ZNF331: variants seen among roughly 807,000 people sequenced by gnomAD.
The protein encoded by ZNF331 is C2H2-like zinc finger protein rearranged in thyroid adenomas.
Under a neutral mutation model 7.0 loss-of-function variants are expected in ZNF331, and 2 were observed. That is an observed-to-expected ratio of 0.29 (90% CI 0.12 to 0.90). ZNF331 has a LOEUF of 0.90. Ranked by LOEUF, ZNF331 falls within the 40% of genes least tolerant of loss-of-function variation. The pLI is 0.58. For missense variants in ZNF331, 432 were observed against 587.7 expected (o/e 0.74, Z 2.74); for synonymous variants, 196 against 205.4 (o/e 0.95, Z 0.39).
chr19:53,515,799 C>T (rs1180328161), upstream of ZNF331, among the ~76,000 whole-genome samples: 9 of 152,088 alleles, frequency 5.9e-5, no homozygotes, highest in Non-Finnish European at 1.2e-4. Context: ...GCCTGGCTGC[C>T]CTGACTTCTT....
chr19:53,575,145 C>T (rs2090648283), intron 5 of ZNF331, among the ~76,000 whole-genome samples: 1 of 151,622 alleles, frequency 6.6e-6, no homozygotes, highest in Non-Finnish European at 1.5e-5. Flanking sequence ...TGCTATGTTT[C>T]CCAGGCTGGT....
intron 5 of ZNF331, among the ~76,000 whole-genome samples, chr19:53,572,041 T>C (rs1428177326): frequency 1.3e-5 from 2 of 152,198 alleles, no homozygotes; most frequent in Non-Finnish European, 2.9e-5. Flanking sequence ...AGTATGTTTA[T>C]ACCCAAATTG....
At chr19:53,570,213 G>GC (rs2090369388) in intron 4 of ZNF331, among the ~76,000 whole-genome samples, 1 of 144,806 alleles carries the variant, frequency 6.9e-6, no homozygotes, top group Non-Finnish European at 1.5e-5. Context: ...CCAAGATCAT[G>GC]CCACTGCACT....
At chr19:53,546,144 A>AAAAAAAAAAAAAAAAAAT (rs1370933673) in intron 2 of ZNF331, among the ~76,000 whole-genome samples, 3 of 104,468 alleles carry the variant, frequency 2.9e-5, no homozygotes, top group Non-Finnish European at 5.1e-5. Context: ...GAGGGGGAAA[A>AAAAAAAAAAAAAAAAAAT]AAAAAAAAAA....
intron 2 of ZNF331, among the ~76,000 whole-genome samples, chr19:53,543,167 A>T (rs528283984): frequency 6.6e-6 from 1 of 152,100 alleles, no homozygotes; most frequent in African/African-American, 2.4e-5. Context: ...CACACCTGTA[A>T]TCCAAAGCAC....
At chr19:53,534,251 C>T (rs186913544), upstream of ZNF331, among the ~76,000 whole-genome samples, 178 of 152,014 alleles carry the variant, frequency 1.2e-3, 1 homozygote, top group Middle Eastern at 0.014. Flanking sequence ...TGGCCTTTCC[C>T]AGCTTCTAGA....
Position 53,579,600 on chromosome 19 carries a change from A to G in ZNF331, c.*1648A>G, listed in dbSNP as rs2090853984. 1 of 199,842 alleles carries G rather than the reference A, an allele frequency of 5.0e-6. No homozygotes were observed. Among genetic ancestry groups the G allele is most frequent in the African/African-American group, 2.3e-5 (1 of 43,474 alleles). The allele number at this position is 199,842 out of a possible 1,614,324, so 12.4% of individuals were successfully genotyped here. On this transcript the variant is annotated 3_prime_UTR_variant, in exon 6 of 6. Transcript: ENST00000449416. The stretch of plus-strand genomic sequence containing the variant: ...CATTACTACCATTTGTGTTGCCATT[A>G]GTGAATTTTTACAAGAAAACTCCCT...
chr19:53,556,568 T>A (rs1240744065), intron 3 of ZNF331, among the ~76,000 whole-genome samples: 1 of 151,620 alleles, frequency 6.6e-6, no homozygotes, highest in Non-Finnish European at 1.5e-5. Flanking sequence ...CAAGCTTTCC[T>A]CCCACCTTGG....
At chr19:53,567,526 G>T (rs766829121) in intron 3 of ZNF331, among the ~76,000 whole-genome samples, 1 of 152,050 alleles carries the variant, frequency 6.6e-6, no homozygotes, top group Non-Finnish European at 1.5e-5. Flanking sequence ...AGCTTGGTGG[G>T]GATTCCTCAA....
rs1309470707 is a variant in ZNF331 at position 53,573,595 on chromosome 19, G to A, written c.136+1865G>A. 6.6e-6 allele frequency among the ~76,000 whole-genome samples: 1 copy of A among 151,872 alleles called. No homozygotes were observed. The highest frequency in any genetic ancestry group is 1.5e-5 in the Non-Finnish European group (1 of 68,010). On this transcript the variant is annotated intron_variant, in intron 5 of 5. Coordinates refer to ENST00000449416, the MANE Select transcript of ZNF331 (RefSeq NM_001079906.2). The surrounding 1 kb of genome is among the most constrained non-coding windows in gnomAD (Gnocchi z 4.2). Reference sequence around the variant, plus strand: ...CAATCTTCCTGCCTCATCTCCCTGAGTAGCAGGGACCACAGGTGCACACCA... The same window carrying A: ...CAATCTTCCTGCCTCATCTCCCTGAATAGCAGGGACCACAGGTGCACACCA...
At chr19:53,526,250 T>A (rs2087287735) in intron 2 of ZNF331, among the ~76,000 whole-genome samples, 1 of 152,178 alleles carries the variant, frequency 6.6e-6, no homozygotes, top group Non-Finnish European at 1.5e-5. Context: ...TGTCTTGCAG[T>A]GTCCTTGTTG....
At chr19:53,526,732 T>C (rs2087310912) in intron 2 of ZNF331, among the ~76,000 whole-genome samples, 1 of 151,768 alleles carries the variant, frequency 6.6e-6, no homozygotes, top group African/African-American at 2.4e-5. Context: ...GTTTGTATTA[T>C]TAGTAGAGAC....
At chr19:53,518,086 C>T (rs898716018), upstream of ZNF331, among the ~76,000 whole-genome samples, 1 of 152,180 alleles carries the variant, frequency 6.6e-6, no homozygotes, top group East Asian at 1.9e-4. Context: ...AGAGGAAGAC[C>T]CACCCTCGAT....
chr19:53,558,002 G>A lies in ZNF331; in HGVS notation c.-74+2094G>A, dbSNP rs552635886. Among the ~76,000 whole-genome samples, 9 of 152,108 alleles carry A rather than the reference G, an allele frequency of 5.9e-5. No individual in the cohort carries two copies. Among genetic ancestry groups the A allele is most frequent in the Non-Finnish European group, 8.8e-5 (6 of 68,008 alleles). ...AGCTTTGTGACTAAATGTGTGGGGA[G>A]AAGCAAGCTGTAGTGGACATCAGCC... On this transcript the variant is annotated intron_variant, in intron 3 of 5. Transcript: ENST00000449416. This position sits in a 1 kb window ranked among gnomAD's most constrained non-coding sequence, Gnocchi z 4.5.
the ZNF331 span, among the ~76,000 whole-genome samples, chr19:53,505,657 T>A: frequency 6.6e-6 from 1 of 152,166 alleles, no homozygotes; most frequent in Non-Finnish European, 1.5e-5. Flanking sequence ...CTTCTGGCCC[T>A]GAATAGTCAC....
upstream of ZNF331, among the ~76,000 whole-genome samples, chr19:53,519,870 C>G (rs1000560452): frequency 1.3e-5 from 2 of 152,108 alleles, no homozygotes; most frequent in African/African-American, 2.4e-5. Context: ...GAAACGTCCC[C>G]AAAATCTCAC....
intron 5 of ZNF331, among the ~76,000 whole-genome samples, chr19:53,575,608 G>A (rs2090678425): frequency 6.7e-6 from 1 of 149,746 alleles, no homozygotes; most frequent in African/African-American, 2.5e-5. Flanking sequence ...CAAGTAGCTG[G>A]GATTATAGGC....
intron 2 of ZNF331, among the ~76,000 whole-genome samples, chr19:53,524,974 T>G (rs2087236640): frequency 6.6e-6 from 1 of 152,270 alleles, no homozygotes; most frequent in Admixed American, 6.5e-5. Context: ...GTTTCAGCTT[T>G]CTACATATGG....
Position 53,578,141 on chromosome 19 carries a change from G to A in ZNF331, c.*189G>A, listed in dbSNP as rs995030001. ...TCGCTGTCCGGCTCCAGCCGGCCGG[G>A]GATGTGAGTCATCCCTTGGTCCAGC... On this transcript the variant is annotated 3_prime_UTR_variant, in exon 6 of 6. Transcript: ENST00000449416. 2.2e-5 allele frequency: 16 copies of A among 741,114 alleles called. No homozygotes were observed. The highest frequency in any genetic ancestry group is 3.5e-5 in the African/African-American group (2 of 56,452). 45.9% of individuals were successfully genotyped at this position (741,114 alleles called of 1,614,324 possible).
Sources: allele counts gnomAD v4.1 joint callset (sites outside exome capture counted in the v4.1 genomes callset), GRCh38; gene constraint gnomAD v4.1.1; non-coding constraint Gnocchi (gnomAD v3.1); transcripts MANE v1.5; gene names NCBI Gene and HGNC (gene_info 2026-07-23, HGNC 2026-07-21).